MTMR7: variants seen among roughly 807,000 people sequenced by gnomAD.
MTMR7 encodes myotubularin related protein 7, also known as phosphatidylinositol-3-phosphate phosphatase MTMR7.
MTMR7 carries 76 observed loss-of-function variants against 81.2 expected under a neutral mutation model. The ratio of observed to expected loss-of-function variants is 0.94; its 90% CI spans 0.78 to 1.13. The LOEUF (loss-of-function observed/expected upper bound fraction) is 1.13. Ranked by LOEUF, MTMR7 falls within the 50% of genes most tolerant of loss-of-function variation. The pLI is 0.00. For missense variants in MTMR7, 1,044 were observed against 820.0 expected (o/e 1.27, Z -3.34); for synonymous variants, 372 against 289.8 (o/e 1.28, Z -2.88).
chr8:17,385,155 G>A (rs958941901), intron 1 of MTMR7, among the ~76,000 whole-genome samples: 2 of 152,066 alleles, frequency 1.3e-5, no homozygotes, highest in African/African-American at 2.4e-5. Flanking sequence ...AGTTGATATC[G>A]TTTGGATCTG....
Position 17,393,285 on chromosome 8 carries a change from T to C in MTMR7, c.24+19984A>G, listed in dbSNP as rs556741315. Among the ~76,000 whole-genome samples the C allele has an allele frequency of 7.9e-5, 12 of 152,260 alleles. No individual in the cohort carries two copies. The East Asian group carries it at 2.1e-3, about 27-fold the overall frequency. The stretch of plus-strand genomic sequence containing the variant: ...TATACAAAAATTAACTCAACATAGA[T>C]CAAAGACCTAAACAGTGTAAATCTC... On this transcript the variant is annotated intron_variant, in intron 1 of 13. Transcript: ENST00000180173.
chr8:17,326,477 C>T (rs1348974959), intron 7 of MTMR7: 1 of 152,202 alleles, frequency 6.6e-6, no homozygotes, highest in Admixed American at 6.5e-5. Flanking sequence ...AAGCTGTGAG[C>T]TTGTCTTACA....
At position 17,392,613 on chromosome 8, in the gene MTMR7, T is replaced by C. The variant is rs911090604; in HGVS notation, c.25-19373A>G. 1.6e-4 allele frequency among the ~76,000 whole-genome samples: 24 copies of C among 152,370 alleles called. 1 individual carries two copies. Among genetic ancestry groups the C allele is most frequent in the Admixed American group, 1.4e-3 (22 of 15,306 alleles). ...TTGCCTCATAGGCCACTGCAGAGGCTTCCTGAGCGAAACTTGACACCTTTC... is the reference window on the plus strand; with the variant it reads ...TTGCCTCATAGGCCACTGCAGAGGCCTCCTGAGCGAAACTTGACACCTTTC... On this transcript the variant is annotated intron_variant, in intron 1 of 13. Coordinates refer to ENST00000180173, the MANE Select transcript of MTMR7 (RefSeq NM_004686.5).
chr8:17,371,345 C>A, intron 2 of MTMR7, 146 bp from the exon 3 acceptor site: 1 of 814,080 alleles, frequency 1.2e-6, no homozygotes, highest in Non-Finnish European at 1.9e-6. Context: ...ATGACAAGCA[C>A]TGAGATGTTC....
intron 7 of MTMR7, among the ~76,000 whole-genome samples, chr8:17,325,393 G>A (rs1278566289): frequency 2.0e-5 from 3 of 152,162 alleles, no homozygotes; most frequent in East Asian, 1.9e-4. Context: ...AGAACAGATC[G>A]GGTATCATCT....
intron 7 of MTMR7, among the ~76,000 whole-genome samples, chr8:17,327,069 G>C (rs1049742849): frequency 1.1e-4 from 16 of 152,016 alleles, no homozygotes; most frequent in African/African-American, 3.9e-4. Flanking sequence ...GCAATTTTAC[G>C]ACCTGAATTT....
intron 13 of MTMR7, among the ~76,000 whole-genome samples, chr8:17,300,599 T>G (rs186943271): frequency 1.3e-5 from 2 of 152,354 alleles, no homozygotes; most frequent in Admixed American, 6.5e-5. Flanking sequence ...ATCATCTAAC[T>G]TTTATACTGA....
At chr8:17,356,323 T>C (rs1228012973) in intron 4 of MTMR7, among the ~76,000 whole-genome samples, 3 of 152,182 alleles carry the variant, frequency 2.0e-5, no homozygotes, top group African/African-American at 7.2e-5. Flanking sequence ...AATTAGGTTC[T>C]TGGAAAGTCA....
At chr8:17,399,325 A>C (rs150348763) in intron 1 of MTMR7, among the ~76,000 whole-genome samples, 4 of 152,340 alleles carry the variant, frequency 2.6e-5, no homozygotes, top group Non-Finnish European at 4.4e-5. Flanking sequence ...AGTAGCGTTC[A>C]TGTATGCCAA....
At chr8:17,405,421 C>T (rs1426898064) in intron 1 of MTMR7, among the ~76,000 whole-genome samples, 2 of 152,140 alleles carry the variant, frequency 1.3e-5, no homozygotes, top group Non-Finnish European at 2.9e-5. Flanking sequence ...CAATATGGAG[C>T]AGTCCATATG....
At chr8:17,327,372 G>C (rs556748311) in intron 7 of MTMR7, among the ~76,000 whole-genome samples, 1 of 152,292 alleles carries the variant, frequency 6.6e-6, no homozygotes, top group South Asian at 2.1e-4. Context: ...CCAGGCCCAA[G>C]TGATCCTCCC....
chr8:17,335,907 G>A (rs577888705), intron 6 of MTMR7, among the ~76,000 whole-genome samples: 3 of 152,316 alleles, frequency 2.0e-5, no homozygotes, highest in African/African-American at 7.2e-5. Context: ...AGGCTGTGTG[G>A]ACTGCTGAGG....
chr8:17,304,617 C>T (rs971801836), intron 11 of MTMR7, 98 bp from the exon 12 acceptor site: 1 of 1,297,446 alleles, frequency 7.7e-7, no homozygotes. Context: ...TAATTGTTAC[C>T]TGAAAACCAC....
chr8:17,387,950 T>A (rs544924835), intron 1 of MTMR7, among the ~76,000 whole-genome samples: 1 of 152,308 alleles, frequency 6.6e-6, no homozygotes, highest in Admixed American at 6.5e-5. Flanking sequence ...TTGACTGACG[T>A]TTAAGGAAAT....
intron 1 of MTMR7, among the ~76,000 whole-genome samples, chr8:17,397,900 A>G (rs1169937137): frequency 1.3e-5 from 2 of 152,192 alleles, no homozygotes; most frequent in African/African-American, 4.8e-5. Flanking sequence ...TTGGGAGAAA[A>G]TAAAGGAAGA....
intron 3 of MTMR7, among the ~76,000 whole-genome samples, chr8:17,362,171 A>G (rs921611191): frequency 1.3e-5 from 2 of 152,240 alleles, no homozygotes; most frequent in Non-Finnish European, 2.9e-5. Context: ...TTAATTTAAC[A>G]ATCTATTTTA....
chr8:17,394,494 G>C (rs779465499), intron 1 of MTMR7, among the ~76,000 whole-genome samples: 4 of 152,046 alleles, frequency 2.6e-5, no homozygotes, highest in Non-Finnish European at 4.4e-5. Flanking sequence ...AAATGTCCTG[G>C]ATAGGCAAAT....
intron 7 of MTMR7, among the ~76,000 whole-genome samples, chr8:17,328,395 T>TC (rs1818806851): frequency 6.6e-6 from 1 of 152,144 alleles, no homozygotes; most frequent in South Asian, 2.1e-4. Context: ...AAGGGACTAT[T>TC]CCAGGCTCTT....
chr8:17,355,956 C>A (rs191281136), intron 4 of MTMR7, among the ~76,000 whole-genome samples: 1 of 152,110 alleles, frequency 6.6e-6, no homozygotes, highest in Non-Finnish European at 1.5e-5. Flanking sequence ...GAAACAATAC[C>A]AAAAGGTGCA....
Sources: allele counts gnomAD v4.1 joint callset (sites outside exome capture counted in the v4.1 genomes callset), GRCh38; gene constraint gnomAD v4.1.1; transcripts MANE v1.5; gene names NCBI Gene and HGNC (gene_info 2026-07-23, HGNC 2026-07-21).